The following KHSRP variants were observed in gnomAD, a reference collection of about 807,000 sequenced individuals.
KHSRP encodes KH-type splicing regulatory protein.
KHSRP carries 13 observed loss-of-function variants against 94.9 expected under a neutral mutation model. The ratio of observed to expected loss-of-function variants is 0.14; its 90% CI spans 0.09 to 0.22. The LOEUF (loss-of-function observed/expected upper bound fraction) is 0.22, where lower values mean the gene tolerates loss of function less well. Among genes scored for constraint, KHSRP ranks in the 10% least tolerant of loss-of-function variants. The probability of loss-of-function intolerance (pLI) is 1.00; values close to 1 mark genes in which losing one functional copy is unlikely to be tolerated. For synonymous variants in KHSRP, 495 were observed against 401.4 expected, an observed-to-expected ratio of 1.23 and a Z score of -2.79; for missense variants, 710 against 1,010.0, an observed-to-expected ratio of 0.70 and a Z score of 4.03.
In KHSRP at chr19:6,424,519, T is replaced by G. The variant is rs2092220155; in HGVS notation, c.183A>C (p.Pro61=). 8 of 982,850 alleles carry G rather than the reference T, an allele frequency of 8.1e-6. No homozygotes were observed. Among genetic ancestry groups the G allele is most frequent in the Non-Finnish European group, 9.6e-6 (8 of 830,402 alleles). 60.9% of individuals were successfully genotyped at this position (982,850 alleles called of 1,614,324 possible). The change falls in exon 1 of 19, where the codon CCA becomes CCC. Residue 61 remains proline, a synonymous_variant. Transcript: ENST00000600480. The part of the protein sequence containing the change: ...GGGSAGGPSQ[P]PGGGGPGIRK... Reference sequence around the variant, plus strand: ...GGATTCCCGGGCCGCCTCCGCCGGGTGGCTGAGAGGGGCCCCCGGCCGACC... The same window carrying G: ...GGATTCCCGGGCCGCCTCCGCCGGGGGGCTGAGAGGGGCCCCCGGCCGACC...
intron 1 of KHSRP, among the ~76,000 whole-genome samples, chr19:6,423,001 T>C (rs1335591687): frequency 6.6e-6 from 1 of 152,216 alleles, no homozygotes; most frequent in Non-Finnish European, 1.5e-5. Context: ...TCTGGATGGC[T>C]GGGCACTGTG....
chr19:6,423,580 G>C (rs372771981), intron 1 of KHSRP, among the ~76,000 whole-genome samples: 4 of 152,310 alleles, frequency 2.6e-5, no homozygotes, highest in African/African-American at 7.2e-5. Flanking sequence ...CCAAATGCAC[G>C]CTAGAACCCA....
rs1424547235 is a variant in KHSRP, at chr19:6,424,696, C to T, written c.6G>A (p.Ser2=). ...GCGGGGGTCCTCCCGTGCTGTAGTC[C>T]GACATGGCGCGGCGGGGCCGGGCCT... M[S]DYSTGGPPPG... is the part of the protein sequence containing the mutation. The change falls in exon 1 of 19, where the codon TCG becomes TCA. Residue 2 remains serine (S), a synonymous_variant. Transcript: ENST00000600480. 2.9e-6 allele frequency: 3 copies of T among 1,034,194 alleles called. No individual in the cohort carries two copies. The highest frequency in any genetic ancestry group is 2.3e-6 in the Non-Finnish European group (2 of 861,866). The allele number at this position is 1,034,194 out of a possible 1,614,324, so 64.1% of individuals were successfully genotyped here. A position where few individuals can be genotyped will look rare whatever the true frequency, so the allele number is the denominator to read the frequency against.
At chr19:6,419,434 G>C (rs989828460) in intron 6 of KHSRP, among the ~76,000 whole-genome samples, 174 bp from the exon 7 acceptor site, 1 of 152,214 alleles carries the variant, frequency 6.6e-6, no homozygotes, top group East Asian at 1.9e-4. Context: ...CAAGGCCAAG[G>C]TTGGGAAGAG....
intron 6 of KHSRP, 112 bp downstream of exon 6, chr19:6,419,947 TAGTAAGCACCAACA>T: frequency 1.4e-6 from 1 of 724,586 alleles, no homozygotes; most frequent in Non-Finnish European, 2.4e-6. Context: ...GCCTGGTCCG[TAGTAAGCACCAACA>T]AGCGCCAGCT....
intron 7 of KHSRP, 45 bp downstream of exon 7, chr19:6,419,158 C>G (rs367676925): frequency 6.6e-7 from 1 of 1,519,948 alleles, no homozygotes; most frequent in Non-Finnish European, 9.0e-7. Flanking sequence ...GAGCAGGCTT[C>G]TGCCTGCCCC....
chr19:6,418,368 T>G lies in KHSRP; in HGVS notation c.879+115A>C. The G allele has an allele frequency of 1.3e-6, 1 of 777,880 alleles. No homozygotes were observed. 48.2% of individuals were successfully genotyped at this position (777,880 alleles called of 1,614,324 possible). ...CAGCGCTCTTGCAAGCCTCTTGGTG[T>G]TATGACCGACTGTTCACATATCTCT... On this transcript the variant is annotated intron_variant, in intron 9 of 18. Transcript: ENST00000600480. The surrounding 1 kb of genome is among the most constrained non-coding windows in gnomAD (Gnocchi z 4.3).
chr19:6,415,559 G>A lies in KHSRP; in HGVS notation c.1863C>T (p.Ala621=), dbSNP rs1490628036. 2.6e-6 allele frequency: 4 copies of A among 1,533,388 alleles called. No individual in the cohort carries two copies. Among genetic ancestry groups the A allele is most frequent in the Admixed American group, 2.0e-5 (1 of 50,044 alleles). The allele number at this position is 1,533,388 out of a possible 1,614,324, so 95.0% of individuals were successfully genotyped here. A position where few individuals can be genotyped will look rare whatever the true frequency, so the allele number is the denominator to read the frequency against. The part of the protein sequence containing the change: ...PPTGQSDYTK[A]WEEYYKKIGQ... ...CGATCTTTTTGTAATACTCTTCCCA[G>A]GCCTTAGTGTAGTCCGACTGGCCGG... The change falls in exon 17 of 19, where the codon GCC becomes GCT. Residue 621 remains alanine (A), a synonymous_variant. Coordinates refer to ENST00000600480, the MANE Select transcript of KHSRP (RefSeq NM_001366299.1).
chr19:6,424,654 G>GGGC lies in KHSRP; in HGVS notation c.45_47dup (p.Pro16dup). 4 of 1,018,898 alleles carry GGGC rather than the reference G, an allele frequency of 3.9e-6. No homozygotes were observed. The highest frequency in any genetic ancestry group is 3.5e-6 in the Non-Finnish European group (3 of 853,144). The allele number at this position is 1,018,898 out of a possible 1,614,324, so 63.1% of individuals were successfully genotyped here. On this transcript the variant is annotated inframe_insertion, in exon 1 of 19. Coordinates refer to ENST00000600480, the MANE Select transcript of KHSRP (RefSeq NM_001366299.1). ...CTCCGGCTCCCCCGCCCCCGCCGGC[G>GGGC]GGCGGCGGCGGCCCGGGCGGGGGTC... is the stretch of plus-strand genomic sequence containing the variant.
chr19:6,418,922 A>G lies in KHSRP; in HGVS notation c.606-46T>C. ...GGATGAGCGGGTGCCACCGCTGGAG[A>G]AAGGTACTGGTCTGGTGGCCCACCC... On this transcript the variant is annotated intron_variant, in intron 7 of 18. Coordinates refer to ENST00000600480, the MANE Select transcript of KHSRP (RefSeq NM_001366299.1). The surrounding 1 kb of genome is among the most constrained non-coding windows in gnomAD (Gnocchi z 4.3). The G allele has an allele frequency of 6.7e-7, 1 of 1,498,346 alleles. No individual in the cohort carries two copies. Among genetic ancestry groups the G allele is most frequent in the African/African-American group, 1.4e-5 (1 of 71,288 alleles). The allele number at this position is 1,498,346 out of a possible 1,614,324, so 92.8% of individuals were successfully genotyped here. A position where few individuals can be genotyped will look rare whatever the true frequency, so the allele number is the denominator to read the frequency against.
intron 11 of KHSRP, 21 bp from the exon 12 acceptor site, chr19:6,417,108 G>A (rs2092153172): frequency 1.3e-6 from 2 of 1,577,418 alleles, no homozygotes; most frequent in Non-Finnish European, 1.7e-6. Flanking sequence ...CACCGAGAGA[G>A]CAGAGACACA....
At chr19:6,419,142 C>T (rs1024480500) in intron 7 of KHSRP, 61 bp downstream of exon 7, 48 of 1,482,578 alleles carry the variant, frequency 3.2e-5, no homozygotes, top group East Asian at 4.9e-5. Context: ...TCAATTCAAA[C>T]GGACAGAGCA....
At chr19:6,422,039 T>C (rs1056643943) in intron 2 of KHSRP, among the ~76,000 whole-genome samples, 11 of 152,180 alleles carry the variant, frequency 7.2e-5, no homozygotes, top group African/African-American at 2.7e-4. Flanking sequence ...ACCCCAGAGC[T>C]GGGCCAACTT....
Position 6,424,466 on chromosome 19 carries a change from T to C in KHSRP, c.236A>G (p.Gln79Arg). Reference protein sequence around the residue: ...IRKDAFADAVQRARQIAAKIG... With the variant: ...IRKDAFADAVRRARQIAAKIG... Reference sequence around the variant, plus strand: ...CGGCCTCCTCACCTGGCGGGCCCGCTGCACGGCGTCGGCGAAAGCGTCCTT... The same window carrying C: ...CGGCCTCCTCACCTGGCGGGCCCGCCGCACGGCGTCGGCGAAAGCGTCCTT... The change falls in exon 1 of 19, where the codon CAG becomes CGG. Residue 79 changes from glutamine to arginine, a missense_variant. By Grantham distance (43) the Gln-to-Arg change is conservative (BLOSUM62 1). Transcript: ENST00000600480. 1.0e-6 allele frequency: 1 copy of C among 986,872 alleles called. No individual in the cohort carries two copies. The highest frequency in any genetic ancestry group is 1.2e-6 in the Non-Finnish European group (1 of 832,846). 61.1% of individuals were successfully genotyped at this position (986,872 alleles called of 1,614,324 possible).
chr19:6,421,799 T>A, intron 2 of KHSRP, 111 bp from the exon 3 acceptor site: 1 of 1,274,074 alleles, frequency 7.8e-7, no homozygotes, highest in Non-Finnish European at 1.1e-6. Context: ...CCCCCACCCT[T>A]AACAGGAGCT....
chr19:6,418,613 G>T lies in KHSRP; in HGVS notation c.781-32C>A. The T allele has an allele frequency of 6.2e-7, 1 of 1,612,314 alleles. No individual in the cohort carries two copies. Among genetic ancestry groups the T allele is most frequent in the Middle Eastern group, 1.7e-4 (1 of 6,056 alleles). Reference sequence around the variant, plus strand: ...AAGCAAGGTTAACCGTTAGTGCTGGGCTCTCCCAGGACTTCCTGGGCTGCT... The same window carrying T: ...AAGCAAGGTTAACCGTTAGTGCTGGTCTCTCCCAGGACTTCCTGGGCTGCT... On this transcript the variant is annotated intron_variant, in intron 8 of 18. Transcript: ENST00000600480. This position sits in a 1 kb window ranked among gnomAD's most constrained non-coding sequence, Gnocchi z 4.3.
chr19:6,415,882 G>C lies in KHSRP; in HGVS notation c.1613C>G (p.Pro538Arg). Residue 538 changes from proline to arginine, a missense_variant, in exon 16 of 19, where the codon CCT (proline) becomes CGT (arginine). This residue lies in a region of KHSRP where 292 missense variants were observed against 340.5 expected (regional missense o/e 0.86). Transcript: ENST00000600480. The stretch of plus-strand genomic sequence containing the variant: ...GCCCTGGGGTGGGTACTGGTGAGGA[G>C]GGGGCCCCCCGGCACTGCAGGAGAG... ...PGAPPHAGGPPPHQYPPQGWG... is the reference protein window; with the variant it reads ...PGAPPHAGGPRPHQYPPQGWG... 1 of 1,531,730 alleles carries C rather than the reference G, an allele frequency of 6.5e-7. No individual in the cohort carries two copies. Among genetic ancestry groups the C allele is most frequent in the South Asian group, 1.2e-5 (1 of 80,002 alleles). 94.9% of individuals were successfully genotyped at this position (1,531,730 alleles called of 1,614,324 possible).
At chr19:6,417,702 G>GCCTCTT in intron 11 of KHSRP, 37 bp downstream of exon 11, 1 of 1,562,302 alleles carries the variant, frequency 6.4e-7, no homozygotes, top group Non-Finnish European at 8.8e-7. Flanking sequence ...GAGGGTGGGG[G>GCCTCTT]TGCACTGGCC....
chr19:6,423,431 C>A (rs1599246527), intron 1 of KHSRP, among the ~76,000 whole-genome samples: 1 of 152,202 alleles, frequency 6.6e-6, no homozygotes, highest in Non-Finnish European at 1.5e-5. Context: ...TCTCCCTTTC[C>A]ACCAGTCTCC....
Sources: gnomAD v4.1 joint callset for allele counts (sites outside exome capture counted in the v4.1 genomes callset) on GRCh38, gnomAD v4.1.1 for gene constraint, gnomAD v4.1.1 regional missense constraint, Gnocchi (gnomAD v3.1) non-coding constraint, MANE v1.5 for transcripts, NCBI Gene and HGNC (gene_info 2026-07-23, HGNC 2026-07-21) for gene names.